CNTN5: variants seen among roughly 807,000 people sequenced by gnomAD.
CNTN5 encodes the protein contactin-5.
CNTN5 carries 77 observed loss-of-function variants against 129.1 expected under a neutral mutation model. That is an observed-to-expected ratio of 0.60 (90% CI 0.50 to 0.72). The LOEUF is 0.72. Among genes scored for constraint, CNTN5 ranks in the 30% least tolerant of loss-of-function variants. CNTN5 has a pLI of 0.00. For missense variants in CNTN5, 1,478 were observed against 1,328.8 expected (o/e 1.11, Z -1.75); for synonymous variants, 509 against 465.6 (o/e 1.09, Z -1.20).
At chr11:100,010,748 C>T (rs1328540082) in intron 9 of CNTN5, among the ~76,000 whole-genome samples, 1 of 152,142 alleles carries the variant, frequency 6.6e-6, no homozygotes, top group Non-Finnish European at 1.5e-5. Flanking sequence ...TAATCAACTG[C>T]ACCCCTTACT....
At chr11:99,417,931 C>T (rs566327117) in intron 2 of CNTN5, among the ~76,000 whole-genome samples, 5 of 152,202 alleles carry the variant, frequency 3.3e-5, no homozygotes, top group East Asian at 1.9e-4. Flanking sequence ...CATGTTTAAA[C>T]GGTGATCTCT....
intron 7 of CNTN5, among the ~76,000 whole-genome samples, chr11:99,938,569 A>C (rs1227081917): frequency 6.6e-6 from 1 of 152,114 alleles, no homozygotes; most frequent in Non-Finnish European, 1.5e-5. Context: ...GAGAAAATAG[A>C]GTATTAATTC....
chr11:99,384,898 G>A (rs1355695167), intron 2 of CNTN5, among the ~76,000 whole-genome samples: 1 of 151,986 alleles, frequency 6.6e-6, no homozygotes, highest in African/African-American at 2.4e-5. Context: ...AAAATTCAAA[G>A]TCTACCCCCC....
At chr11:99,136,360 A>G (rs1043758431) in intron 1 of CNTN5, among the ~76,000 whole-genome samples, 19 of 152,268 alleles carry the variant, frequency 1.2e-4, no homozygotes, top group African/African-American at 4.1e-4. Flanking sequence ...AAATCTCTAC[A>G]TGAATGTTCT....
intron 7 of CNTN5, among the ~76,000 whole-genome samples, chr11:99,928,861 C>T (rs1401680064): frequency 6.6e-6 from 1 of 152,176 alleles, no homozygotes; most frequent in African/African-American, 2.4e-5. Flanking sequence ...TTCACATTAT[C>T]AGGCTGCAAA....
intron 13 of CNTN5, among the ~76,000 whole-genome samples, chr11:100,080,073 T>G (rs1350442713): frequency 6.6e-6 from 1 of 152,166 alleles, no homozygotes; most frequent in Non-Finnish European, 1.5e-5. Flanking sequence ...TTGTTTCCTT[T>G]CCATAAGTGC....
intron 18 of CNTN5, among the ~76,000 whole-genome samples, chr11:100,283,096 G>A (rs756926305): frequency 6.6e-6 from 1 of 151,928 alleles, no homozygotes; most frequent in Non-Finnish European, 1.5e-5. Context: ...GGCTGAGCTG[G>A]TACCTAAGGT....
At chr11:100,056,706 G>A (rs1793929659) in intron 9 of CNTN5, among the ~76,000 whole-genome samples, 1 of 151,656 alleles carries the variant, frequency 6.6e-6, no homozygotes, top group South Asian at 2.1e-4. Flanking sequence ...GATCAGTGAA[G>A]ATGAAAATAA....
chr11:99,501,608 AG>A (rs2135383927), intron 2 of CNTN5, among the ~76,000 whole-genome samples: 1 of 152,328 alleles, frequency 6.6e-6, no homozygotes, highest in East Asian at 1.9e-4. Flanking sequence ...GGACAAAAAA[AG>A]TTTTGAATTT....
intron 2 of CNTN5, among the ~76,000 whole-genome samples, chr11:99,339,270 T>C (rs1354106269): frequency 1.3e-5 from 2 of 152,126 alleles, no homozygotes. Context: ...ATGAATAAAT[T>C]AAAATGCAAA....
At chr11:99,492,897 T>G (rs1946090199) in intron 2 of CNTN5, among the ~76,000 whole-genome samples, 1 of 152,226 alleles carries the variant, frequency 6.6e-6, no homozygotes, top group East Asian at 1.9e-4. Context: ...CAGATTCTTC[T>G]TGGCATCTTT....
chr11:99,371,090 C>A (rs1445642466), intron 2 of CNTN5, among the ~76,000 whole-genome samples: 1 of 152,018 alleles, frequency 6.6e-6, no homozygotes, highest in Non-Finnish European at 1.5e-5. Flanking sequence ...TATTTTTGCT[C>A]ATTTGTTTGT....
At chr11:99,862,306 A>G (rs1948230882) in intron 6 of CNTN5, among the ~76,000 whole-genome samples, 1 of 152,162 alleles carries the variant, frequency 6.6e-6, no homozygotes, top group Admixed American at 6.5e-5. Context: ...GTCCTTGCCC[A>G]GGGTCCATTG....
intron 6 of CNTN5, among the ~76,000 whole-genome samples, chr11:99,862,374 T>TTC (rs1372083538): frequency 7.9e-5 from 12 of 152,160 alleles, no homozygotes; most frequent in Non-Finnish European, 7.4e-5. Context: ...ATGTTTTTTT[T>TTC]CCCTGGATTC....
intron 1 of CNTN5, among the ~76,000 whole-genome samples, chr11:99,032,188 C>T (rs1365467559): frequency 5.9e-5 from 9 of 151,944 alleles, no homozygotes; most frequent in African/African-American, 4.8e-5. Context: ...TGGGTTGGTT[C>T]CAACTCTTTG....
In CNTN5 at chr11:99,799,092, C is replaced by G. The variant is rs186980512; in HGVS notation, c.56-20452C>G. 3.3e-3 allele frequency among the ~76,000 whole-genome samples: 497 copies of G among 152,122 alleles called. 5 individuals carry two copies. Among genetic ancestry groups the G allele is most frequent in the African/African-American group, 0.012 (487 of 41,510 alleles). On this transcript the variant is annotated intron_variant, in intron 3 of 24. Transcript: ENST00000524871. ...CTGTTATTAGTATATAGAAATGTTACTGATTTTTGTACATTAATTTTGTAC... is the reference window on the plus strand; with the variant it reads ...CTGTTATTAGTATATAGAAATGTTAGTGATTTTTGTACATTAATTTTGTAC...
intron 15 of CNTN5, among the ~76,000 whole-genome samples, chr11:100,223,985 ATGGT>A (rs1949320036): frequency 7.2e-6 from 1 of 138,834 alleles, no homozygotes; most frequent in African/African-American, 2.5e-5. Context: ...GATATCCTCC[ATGGT>A]ACTCATTGAT....
chr11:100,028,029 T>G (rs1262374092), intron 9 of CNTN5, among the ~76,000 whole-genome samples: 1 of 152,186 alleles, frequency 6.6e-6, no homozygotes, highest in African/African-American at 2.4e-5. Flanking sequence ...GTTACCTGCA[T>G]TTGGAATATT....
At chr11:99,814,535 C>T (rs1490236115) in intron 3 of CNTN5, among the ~76,000 whole-genome samples, 4 of 151,874 alleles carry the variant, frequency 2.6e-5, no homozygotes, top group Non-Finnish European at 2.9e-5. Context: ...CAGAGTGTGT[C>T]GACAGTTGGA....
Sources: gnomAD v4.1 joint callset for allele counts (sites outside exome capture counted in the v4.1 genomes callset) on GRCh38, gnomAD v4.1.1 for gene constraint, MANE v1.5 for transcripts, NCBI Gene and HGNC (gene_info 2026-07-23, HGNC 2026-07-21) for gene names.